SVEP1: variants seen among roughly 807,000 people sequenced by gnomAD.
SVEP1 encodes the protein sushi, von Willebrand factor type A, EGF and pentraxin domain containing 1.
SVEP1 carries 164 observed loss-of-function variants against 367.3 expected under a neutral mutation model. The observed-to-expected ratio is 0.45, with a 90% CI of 0.39 to 0.51. The LOEUF is 0.51. SVEP1 is among the 20% of genes least tolerant of loss of function. The pLI is 0.00. For missense variants in SVEP1, 4,117 were observed against 4,425.3 expected (o/e 0.93, Z 1.98); for synonymous variants, 1,666 against 1,611.6 (o/e 1.03, Z -0.81).
chr9:110,384,192 C>T (rs12553730), intron 43 of SVEP1, among the ~76,000 whole-genome samples: 18,436 of 152,154 alleles, frequency 0.12, 1,469 homozygotes, highest in East Asian at 0.27. Context: ...TCCTGATCTG[C>T]AGGTTGCACA....
At chr9:110,452,393 G>T (rs544130491) in intron 22 of SVEP1, among the ~76,000 whole-genome samples, 1 of 152,226 alleles carries the variant, frequency 6.6e-6, no homozygotes, top group East Asian at 1.9e-4. Flanking sequence ...TTCAACACCA[G>T]GTGTCGCTAA....
Position 110,443,553 on chromosome 9 carries a change from G to A in SVEP1, c.4631C>T (p.Pro1544Leu), listed in dbSNP as rs1306776920. ...ATTTTGTTAAAACATACCAGGTATG[G>A]GCAAACCAACAGAGAGGCCAGCACC... ...DGGAGLSVGL[P>L]IPGGGALVLG... The change falls in exon 27 of 48, where the codon CCC becomes CTC. Residue 1544 changes from proline (P) to leucine (L), a missense_variant. This residue lies in a region of SVEP1 where 2,174 missense variants were observed against 2,494.3 expected (regional missense o/e 0.87). Coordinates refer to ENST00000374469, the MANE Select transcript of SVEP1 (RefSeq NM_153366.4). The A allele has an allele frequency of 6.2e-7, 1 of 1,604,942 alleles. No homozygotes were observed.
intron 2 of SVEP1, among the ~76,000 whole-genome samples, chr9:110,546,761 T>C (rs1168324414): frequency 1.3e-5 from 2 of 152,162 alleles, no homozygotes; most frequent in Non-Finnish European, 2.9e-5. Flanking sequence ...CCACCAACTT[T>C]GGAATAAACA....
At chr9:110,370,534 A>G (rs1181513174) in intron 46 of SVEP1, among the ~76,000 whole-genome samples, 1 of 152,206 alleles carries the variant, frequency 6.6e-6, no homozygotes, top group East Asian at 1.9e-4. Context: ...AAAATAACAG[A>G]TGATTCAACA....
intron 6 of SVEP1, among the ~76,000 whole-genome samples, chr9:110,502,504 C>T (rs1829549929): frequency 2.0e-5 from 3 of 151,958 alleles, no homozygotes; most frequent in Non-Finnish European, 4.4e-5. Context: ...ATCCATTCTC[C>T]CTTTATAGTT....
At chr9:110,506,143 T>C (rs1229349919) in intron 5 of SVEP1, among the ~76,000 whole-genome samples, 1 of 152,172 alleles carries the variant, frequency 6.6e-6, no homozygotes, top group Non-Finnish European at 1.5e-5. Flanking sequence ...GCAAAGGACA[T>C]GAACTCATCC....
intron 36 of SVEP1, among the ~76,000 whole-genome samples, chr9:110,427,072 T>C (rs1828264587): frequency 1.3e-5 from 2 of 151,640 alleles, no homozygotes; most frequent in South Asian, 4.2e-4. Flanking sequence ...CTGAGGCAAG[T>C]GGATCACCTG....
chr9:110,492,271 G>C (rs151068740), intron 8 of SVEP1, among the ~76,000 whole-genome samples: 1 of 151,978 alleles, frequency 6.6e-6, no homozygotes, highest in African/African-American at 2.4e-5. Context: ...AATTGTGGTC[G>C]TTAGGATTCA....
intron 13 of SVEP1, 92 bp downstream of exon 13, chr9:110,479,543 A>G: frequency 2.1e-6 from 3 of 1,409,216 alleles, no homozygotes; most frequent in Middle Eastern, 1.9e-4. Context: ...AAGAAGAGGG[A>G]AATAGGATGA....
intron 18 of SVEP1, among the ~76,000 whole-genome samples, chr9:110,459,444 T>C (rs1256204321): frequency 9.2e-5 from 14 of 152,336 alleles, no homozygotes; most frequent in Admixed American, 8.5e-4. Context: ...AAATGTTGCA[T>C]CTCATTGACA....
At chr9:110,555,281 G>A (rs1830342562) in intron 1 of SVEP1, among the ~76,000 whole-genome samples, 2 of 151,960 alleles carry the variant, frequency 1.3e-5, no homozygotes, top group Non-Finnish European at 2.9e-5. Flanking sequence ...GCCGGGCACA[G>A]AGTACATGTT....
At chr9:110,489,607 A>G (rs1829335473) in intron 9 of SVEP1, 43 bp downstream of exon 9, 1 of 1,569,248 alleles carries the variant, frequency 6.4e-7, no homozygotes, top group Non-Finnish European at 8.7e-7. Context: ...CCACAGTTCA[A>G]GATGACGTTT....
intron 1 of SVEP1, among the ~76,000 whole-genome samples, chr9:110,573,352 A>G (rs1285432219): frequency 6.6e-6 from 1 of 152,020 alleles, no homozygotes; most frequent in African/African-American, 2.4e-5. Flanking sequence ...CTTTCTTCCC[A>G]TAAGCCTGGG....
chr9:110,579,254 A>G lies in SVEP1; in HGVS notation c.290T>C (p.Val97Ala). The change falls in exon 1 of 48, where the codon GTC (valine) becomes GCC (alanine). Residue 97 changes from valine (V) to alanine (A), a missense_variant. By Grantham distance (64) the Val-to-Ala change is moderately conservative. Transcript: ENST00000374469. This position sits in a 1 kb window ranked among gnomAD's most constrained non-coding sequence, Gnocchi z 5.3. ...LVDDSSSVGE[V>A]NFRSELMFVR... Reference sequence around the variant, plus strand: ...GAACATGAGCTCGCTGCGGAAGTTGACTTCGCCCACGCTGGACGAATCATC... The same window carrying G: ...GAACATGAGCTCGCTGCGGAAGTTGGCTTCGCCCACGCTGGACGAATCATC... 1 of 1,570,640 alleles carries G rather than the reference A, an allele frequency of 6.4e-7. No homozygotes were observed. Among genetic ancestry groups the G allele is most frequent in the Non-Finnish European group, 8.6e-7 (1 of 1,159,172 alleles).
At chr9:110,387,069 C>T (rs1240280633) in intron 42 of SVEP1, among the ~76,000 whole-genome samples, 3 of 152,116 alleles carry the variant, frequency 2.0e-5, no homozygotes, top group African/African-American at 7.2e-5. Flanking sequence ...TCTTAGTAAT[C>T]ACTCATGGAA....
intron 6 of SVEP1, among the ~76,000 whole-genome samples, chr9:110,502,366 T>A (rs1443363910): frequency 3.9e-5 from 6 of 152,074 alleles, no homozygotes; most frequent in African/African-American, 1.4e-4. Context: ...CCTCCCAAAG[T>A]GCTGAGATTA....
intron 40 of SVEP1, among the ~76,000 whole-genome samples, chr9:110,400,586 T>G (rs575768998): frequency 2.6e-5 from 4 of 152,262 alleles, no homozygotes; most frequent in African/African-American, 9.6e-5. Context: ...AGACTGGTCT[T>G]GAACTTCTGA....
chr9:110,504,473 C>A (rs1829592306), intron 5 of SVEP1, among the ~76,000 whole-genome samples: 1 of 152,156 alleles, frequency 6.6e-6, no homozygotes, highest in Admixed American at 6.5e-5. Context: ...GCCCAGCATA[C>A]TAGAGTATAA....
intron 47 of SVEP1, among the ~76,000 whole-genome samples, chr9:110,368,430 T>C (rs1284146625): frequency 3.3e-5 from 5 of 152,236 alleles, no homozygotes; most frequent in Admixed American, 6.5e-5. Context: ...TAATTTGCCA[T>C]TATTTTTCTT....
Sources: allele counts gnomAD v4.1 joint callset (sites outside exome capture counted in the v4.1 genomes callset), GRCh38; gene constraint gnomAD v4.1.1; regional missense constraint gnomAD v4.1.1; non-coding constraint Gnocchi (gnomAD v3.1); transcripts MANE v1.5; gene names NCBI Gene and HGNC (gene_info 2026-07-23, HGNC 2026-07-21).